Variants in ZNF423 observed in about 807,000 individuals in gnomAD.
ZNF423 encodes the protein zinc finger protein 423.
In ZNF423, 12 loss-of-function variants were observed where a neutral mutation model predicts 95.8. That is an observed-to-expected ratio of 0.13 (90% CI 0.08 to 0.20). ZNF423 has a LOEUF of 0.20. Ranked by LOEUF, ZNF423 falls within the 10% of genes least tolerant of loss-of-function variation. The pLI, the probability that ZNF423 is intolerant of heterozygous loss-of-function variation, is 1.00. For missense variants in ZNF423, 1,316 were observed against 1,737.1 expected (o/e 0.76, Z 4.31); for synonymous variants, 749 against 711.9 (o/e 1.05, Z -0.83).
At chr16:49,599,711 T>C (rs1052608884) in intron 5 of ZNF423, among the ~76,000 whole-genome samples, 11 of 152,282 alleles carry the variant, frequency 7.2e-5, no homozygotes, top group African/African-American at 2.6e-4. Flanking sequence ...ACAACACGGA[T>C]GGATCTCACC....
intron 7 of ZNF423, among the ~76,000 whole-genome samples, chr16:49,511,713 C>G (rs2151682096): frequency 6.6e-6 from 1 of 152,338 alleles, no homozygotes. Flanking sequence ...CATGGCCCCT[C>G]AGGAGACACA....
chr16:49,700,158 C>T (rs1288173477), intron 3 of ZNF423, among the ~76,000 whole-genome samples: 4 of 126,110 alleles, frequency 3.2e-5, no homozygotes, highest in East Asian at 2.4e-4. Flanking sequence ...TCTATTTCAT[C>T]GCTTTGAAAG....
At chr16:49,567,724 G>A (rs1970236690) in intron 5 of ZNF423, among the ~76,000 whole-genome samples, 1 of 152,172 alleles carries the variant, frequency 6.6e-6, no homozygotes, top group African/African-American at 2.4e-5. Context: ...GAGAGGCTAG[G>A]GCCTCCTCTG....
chr16:49,727,132 G>C (rs908032006), intron 3 of ZNF423, among the ~76,000 whole-genome samples: 2 of 152,196 alleles, frequency 1.3e-5, no homozygotes, highest in Non-Finnish European at 2.9e-5. Context: ...TGGGTTTAAG[G>C]TTGGTTTCTC....
intron 5 of ZNF423, among the ~76,000 whole-genome samples, chr16:49,532,492 G>T (rs1968885828): frequency 6.6e-6 from 1 of 152,180 alleles, no homozygotes; most frequent in South Asian, 2.1e-4. Context: ...CCCATCGTAT[G>T]GTCCCCTGTG....
At position 49,547,814 on chromosome 16, in the gene ZNF423, T is replaced by C. The variant is rs555288046; in HGVS notation, c.3602-22320A>G. ...AACCACACGCCTGGCATCTGAAACA[T>C]CATCTGAGGCCAGGTGTTGCATCTC... On this transcript the variant is annotated intron_variant, in intron 5 of 7. Transcript: ENST00000563137. Among the ~76,000 whole-genome samples the C allele has an allele frequency of 7.9e-5, 12 of 152,326 alleles. 1 individual carries two copies. In the East Asian group the frequency reaches 1.7e-3, roughly 22 times the overall value.
upstream of ZNF423, among the ~76,000 whole-genome samples, chr16:49,859,099 G>A (rs1207552516): frequency 6.6e-6 from 1 of 152,170 alleles, no homozygotes; most frequent in African/African-American, 2.4e-5. Flanking sequence ...CAAAAGGAGC[G>A]CGGTGGGGAA....
chr16:49,703,328 T>C (rs1214801033), intron 3 of ZNF423, among the ~76,000 whole-genome samples: 2 of 152,210 alleles, frequency 1.3e-5, no homozygotes, highest in Non-Finnish European at 2.9e-5. Flanking sequence ...TGTGAAGGAG[T>C]AAAAATCATT....
chr16:49,658,782 T>C (rs1245153707), intron 3 of ZNF423, among the ~76,000 whole-genome samples: 1 of 152,136 alleles, frequency 6.6e-6, no homozygotes, highest in Non-Finnish European at 1.5e-5. Context: ...GCCCCTGAAG[T>C]CCTAGGCATC....
intron 3 of ZNF423, among the ~76,000 whole-genome samples, chr16:49,656,450 G>T (rs1324078372): frequency 1.3e-5 from 2 of 151,924 alleles, no homozygotes; most frequent in Admixed American, 1.3e-4. Flanking sequence ...GGCAGAGGTT[G>T]CAGTGAGCCA....
At chr16:49,752,302 C>T (rs2033647716) in intron 2 of ZNF423, among the ~76,000 whole-genome samples, 1 of 152,258 alleles carries the variant, frequency 6.6e-6, no homozygotes, top group South Asian at 2.1e-4. Context: ...GGCCCTCCCC[C>T]ACCCCACATG....
In ZNF423 at chr16:49,637,012, T is replaced by C; in HGVS notation, c.2164A>G (p.Met722Val). Residue 722 changes from methionine to valine, a missense_variant, in exon 4 of 8, where the codon ATG becomes GTG. Transcript: ENST00000563137. This position sits in a 1 kb window ranked among gnomAD's most constrained non-coding sequence, Gnocchi z 5.6. The part of the protein sequence containing the change: ...VDDLQKHLLD[M>V]HTFVLYHCTL... ...CAGTGGTACAACACAAAGGTGTGCA[T>C]GTCCAGCAGGTGCTTCTGCAGGTCA... The C allele has an allele frequency of 1.2e-6, 2 of 1,613,948 alleles. No homozygotes were observed. Among genetic ancestry groups the C allele is most frequent in the Non-Finnish European group, 1.7e-6 (2 of 1,180,042 alleles).
intron 3 of ZNF423, among the ~76,000 whole-genome samples, chr16:49,699,074 T>C (rs917366155): frequency 3.3e-5 from 5 of 152,198 alleles, no homozygotes; most frequent in African/African-American, 1.2e-4. Context: ...TTGGATTTAG[T>C]ATCCAGCCGA....
chr16:49,542,845 C>T (rs562317770), intron 5 of ZNF423, among the ~76,000 whole-genome samples: 1 of 152,306 alleles, frequency 6.6e-6, no homozygotes, highest in Admixed American at 6.5e-5. Context: ...GGAAACTTGG[C>T]AACGAGAAAG....
chr16:49,847,731 A>T (rs2035261189), intron 1 of ZNF423: 1 of 151,188 alleles, frequency 6.6e-6, no homozygotes, highest in Non-Finnish European at 1.5e-5. Flanking sequence ...TGGGCTGCAG[A>T]TCCCTAATCC....
chr16:49,566,785 C>T (rs1282063403), intron 5 of ZNF423, among the ~76,000 whole-genome samples: 1 of 152,078 alleles, frequency 6.6e-6, no homozygotes, highest in Non-Finnish European at 1.5e-5. Context: ...GAGGTGGTGG[C>T]AGCCTCGAGC....
chr16:49,568,327 G>A (rs1040532585), intron 5 of ZNF423, among the ~76,000 whole-genome samples: 1 of 152,178 alleles, frequency 6.6e-6, no homozygotes, highest in African/African-American at 2.4e-5. Flanking sequence ...CATACTGCAA[G>A]GGTTTTGGCA....
At chr16:49,748,542 C>T (rs2033569912) in intron 2 of ZNF423, among the ~76,000 whole-genome samples, 1 of 152,150 alleles carries the variant, frequency 6.6e-6, no homozygotes, top group South Asian at 2.1e-4. Context: ...GAAAAAATTA[C>T]TCCAACTCTC....
chr16:49,829,979 C>T (rs1017975936), intron 1 of ZNF423, among the ~76,000 whole-genome samples: 1 of 152,148 alleles, frequency 6.6e-6, no homozygotes, highest in South Asian at 2.1e-4. Flanking sequence ...CAAGAGTGGG[C>T]AAGTCAAACC....
Sources: gnomAD v4.1 joint callset for allele counts (sites outside exome capture counted in the v4.1 genomes callset) on GRCh38, gnomAD v4.1.1 for gene constraint, Gnocchi (gnomAD v3.1) non-coding constraint, MANE v1.5 for transcripts, NCBI Gene and HGNC (gene_info 2026-07-23, HGNC 2026-07-21) for gene names.